Variants in CD33 observed in about 807,000 individuals in gnomAD.
CD33 encodes the protein CD33 molecule, also known as myeloid cell surface antigen CD33.
Under a neutral mutation model 31.4 loss-of-function variants are expected in CD33, and 25 were observed. The observed-to-expected ratio is 0.80, with a 90% CI of 0.58 to 1.11. CD33 has a LOEUF of 1.11. Among genes scored for constraint, CD33 ranks in the 50% most tolerant of loss-of-function variants. The probability of loss-of-function intolerance (pLI) is 0.00; values close to 1 mark genes in which losing one functional copy is unlikely to be tolerated. For synonymous variants in CD33, 176 were observed against 180.6 expected, an observed-to-expected ratio of 0.97 and a Z score of 0.20; for missense variants, 407 against 448.1, an observed-to-expected ratio of 0.91 and a Z score of 0.83.
the CD33 span, chr19:51,211,268 A>G: frequency 6.3e-7 from 1 of 1,575,842 alleles, no homozygotes; most frequent in Non-Finnish European, 8.6e-7. Flanking sequence ...ACGGTACAGG[A>G]GGGTTTGTGC....
the CD33 span, among the ~76,000 whole-genome samples, chr19:51,218,235 T>C: frequency 2.6e-5 from 4 of 152,248 alleles, no homozygotes; most frequent in African/African-American, 9.6e-5. Flanking sequence ...TGGTGGAAGA[T>C]GATTTCTCAC....
At chr19:51,220,221 C>A (rs1454443464), upstream of CD33, among the ~76,000 whole-genome samples, 4 of 152,174 alleles carry the variant, frequency 2.6e-5, no homozygotes, top group Non-Finnish European at 5.9e-5. Context: ...CTATTTCTTC[C>A]TGATTCAATC....
chr19:51,226,105 G>C lies in CD33; in HGVS notation c.697+24G>C, dbSNP rs773842132. 4.3e-6 allele frequency: 7 copies of C among 1,609,656 alleles called. No individual in the cohort carries two copies. The African/African-American group carries it at 9.4e-5, about 22-fold the overall frequency. ...CTGTAAGTGCTGGGCCAGGATGCTG[G>C]GGTCCCTGAGGGTGTAGGGGAGACA... On this transcript the variant is annotated intron_variant, in intron 3 of 6. Transcript: ENST00000262262.
the CD33 span, among the ~76,000 whole-genome samples, chr19:51,215,210 C>T: frequency 7.9e-5 from 12 of 152,108 alleles, no homozygotes; most frequent in Non-Finnish European, 1.5e-4. Flanking sequence ...ACTCAAATAC[C>T]TTAAGAGCAC....
At chr19:51,222,220 T>C (rs1157492771), upstream of CD33, among the ~76,000 whole-genome samples, 1 of 152,184 alleles carries the variant, frequency 6.6e-6, no homozygotes, top group Non-Finnish European at 1.5e-5. Context: ...ACTAGAATTG[T>C]TCAAATATAA....
At chr19:51,222,719 A>G (rs1256165323), upstream of CD33, among the ~76,000 whole-genome samples, 1 of 152,254 alleles carries the variant, frequency 6.6e-6, no homozygotes, top group Non-Finnish European at 1.5e-5. Flanking sequence ...AGCCCTTGGC[A>G]TACTAGAAAT....
the CD33 span, among the ~76,000 whole-genome samples, chr19:51,216,706 TA>T: frequency 6.7e-6 from 1 of 149,852 alleles, no homozygotes; most frequent in African/African-American, 2.5e-5. Flanking sequence ...AAGATGGACA[TA>T]AAAAAAGGAA....
intron 6 of CD33, chr19:51,238,514 G>A (rs374575068): frequency 6.6e-6 from 1 of 152,502 alleles, no homozygotes; most frequent in South Asian, 2.1e-4. Context: ...AGGAGCCAAT[G>A]ACCAGGAAAT....
At chr19:51,232,042 A>C (rs1981464228) in intron 4 of CD33, among the ~76,000 whole-genome samples, 1 of 152,172 alleles carries the variant, frequency 6.6e-6, no homozygotes, top group African/African-American at 2.4e-5. Flanking sequence ...GATTATAGGC[A>C]TGAGCCACAC....
intron 6 of CD33, chr19:51,238,115 T>C (rs182241627): frequency 3.3e-5 from 5 of 152,322 alleles, no homozygotes. Flanking sequence ...GAAGACCCCA[T>C]AGATGTCATA....
chr19:51,219,573 T>C, the CD33 span, among the ~76,000 whole-genome samples: 1 of 152,196 alleles, frequency 6.6e-6, no homozygotes, highest in African/African-American at 2.4e-5. Context: ...TGAATAGCAA[T>C]GAAGAGAGTG....
At chr19:51,236,002 C>CA (rs1163876218) in intron 6 of CD33, 87 of 595,078 alleles carry the variant, frequency 1.5e-4, no homozygotes, top group Middle Eastern at 4.5e-4. Context: ...ACTAAAAATA[C>CA]AAAAAATTAG....
intron 4 of CD33, among the ~76,000 whole-genome samples, chr19:51,233,039 C>T (rs1414444552): frequency 6.6e-6 from 1 of 152,206 alleles, no homozygotes; most frequent in Non-Finnish European, 1.5e-5. Context: ...GGCTGTTTCT[C>T]AGGCCTGGAA....
intron 6 of CD33, chr19:51,237,066 G>A (rs1367957275): frequency 6.6e-6 from 1 of 152,296 alleles, no homozygotes; most frequent in African/African-American, 2.4e-5. Context: ...AGCAGGGCAA[G>A]CTTTCTCATC....
At chr19:51,236,415 C>T (rs1981809369) in intron 6 of CD33, 1 of 160,868 alleles carries the variant, frequency 6.2e-6, no homozygotes, top group Non-Finnish European at 1.4e-5. Flanking sequence ...TTGTCTGGTA[C>T]ATGGCCCTGG....
chr19:51,229,155 C>T (rs181281736), intron 4 of CD33, among the ~76,000 whole-genome samples: 20 of 152,200 alleles, frequency 1.3e-4, no homozygotes, highest in Admixed American at 8.5e-4. Context: ...GGTGATCATA[C>T]GGTTTATGTC....
upstream of CD33, chr19:51,225,058 C>G (rs1191939535): frequency 6.2e-7 from 1 of 1,604,160 alleles, no homozygotes. Flanking sequence ...GTAGTCCTTC[C>G]CCTCCACTCC....
intron 4 of CD33, among the ~76,000 whole-genome samples, chr19:51,228,518 C>T (rs554894996): frequency 1.3e-5 from 2 of 152,296 alleles, no homozygotes; most frequent in East Asian, 1.9e-4. Context: ...TCTCTTATAG[C>T]TATTGTAAAT....
rs183239363 is a variant in CD33, at chr19:51,239,915, A to G, written c.*227A>G. On this transcript the variant is annotated 3_prime_UTR_variant, in exon 7 of 7. Transcript: ENST00000262262. ...TGTATGATGTCACACAAGCTCCTTA[A>G]CCTTCCATGTCTCCATTTTCTTCTC... 5 of 374,340 alleles carry G rather than the reference A, an allele frequency of 1.3e-5. No homozygotes were observed. In the Admixed American group the frequency reaches 2.3e-4, roughly 17 times the overall value. 23.2% of individuals were successfully genotyped at this position (374,340 alleles called of 1,614,324 possible). A position where few individuals can be genotyped will look rare whatever the true frequency, so the allele number is the denominator to read the frequency against.
Sources: gnomAD v4.1 joint callset for allele counts (sites outside exome capture counted in the v4.1 genomes callset) on GRCh38, gnomAD v4.1.1 for gene constraint, MANE v1.5 for transcripts, NCBI Gene and HGNC (gene_info 2026-07-23, HGNC 2026-07-21) for gene names.